NFIB: variants seen among roughly 807,000 people sequenced by gnomAD.
NFIB encodes the protein nuclear factor 1 B-type.
In NFIB, 11 loss-of-function variants were observed where a neutral mutation model predicts 61.5. The ratio of observed to expected loss-of-function variants is 0.18; its 90% CI spans 0.11 to 0.30. The LOEUF (loss-of-function observed/expected upper bound fraction) is 0.30, where lower values mean the gene tolerates loss of function less well. Among genes scored for constraint, NFIB ranks in the 10% least tolerant of loss-of-function variants. The probability of loss-of-function intolerance (pLI) is 1.00; values close to 1 mark genes in which losing one functional copy is unlikely to be tolerated. For missense variants in NFIB, 471 were observed against 608.9 expected (o/e 0.77, Z 2.38); for synonymous variants, 260 against 216.5 (o/e 1.20, Z -1.76).
At chr9:14,190,742 CT>C (rs1343352428) in intron 2 of NFIB, among the ~76,000 whole-genome samples, 1 of 152,054 alleles carries the variant, frequency 6.6e-6, no homozygotes, top group African/African-American at 2.4e-5. Flanking sequence ...CATGATTTTC[CT>C]TTTTGTAAAA....
intron 2 of NFIB, among the ~76,000 whole-genome samples, chr9:14,196,432 A>C (rs1027405503): frequency 3.9e-5 from 6 of 152,152 alleles, no homozygotes; most frequent in Admixed American, 3.3e-4. Flanking sequence ...CTCAGCTTCT[A>C]GTTTGCGGAA....
intron 2 of NFIB, among the ~76,000 whole-genome samples, chr9:14,246,386 A>G (rs984531715): frequency 6.6e-6 from 1 of 152,136 alleles, no homozygotes; most frequent in African/African-American, 2.4e-5. Flanking sequence ...ACTGTGCTCC[A>G]GCCAGCCACC....
At chr9:14,474,048 T>G in the NFIB span, among the ~76,000 whole-genome samples, 3 of 152,202 alleles carry the variant, frequency 2.0e-5, no homozygotes, top group Non-Finnish European at 2.9e-5. Context: ...CTACAAGGAT[T>G]TTATCAGACA....
At chr9:14,300,219 G>T (rs982526152) in intron 2 of NFIB, 11 of 398,392 alleles carry the variant, frequency 2.8e-5, no homozygotes, top group African/African-American at 1.2e-4. Context: ...ATGATCAGAA[G>T]GAAGCGTCTC....
At chr9:14,389,330 T>A (rs1433610363) in intron 1 of NFIB, among the ~76,000 whole-genome samples, 3 of 152,140 alleles carry the variant, frequency 2.0e-5, no homozygotes, top group Non-Finnish European at 4.4e-5. Flanking sequence ...TCCTCCCACC[T>A]TTCTGAGTCC....
At chr9:14,368,824 A>G (rs1195676819) in intron 1 of NFIB, among the ~76,000 whole-genome samples, 1 of 152,208 alleles carries the variant, frequency 6.6e-6, no homozygotes, top group African/African-American at 2.4e-5. Context: ...GAGATGTAGT[A>G]TAGCATTTTG....
chr9:14,234,225 AT>A (rs2131970476), intron 2 of NFIB, among the ~76,000 whole-genome samples: 1 of 152,318 alleles, frequency 6.6e-6, no homozygotes, highest in African/African-American at 2.4e-5. Context: ...CAAAAACCAG[AT>A]CACAAACCCA....
At chr9:14,438,056 A>ATG in the NFIB span, among the ~76,000 whole-genome samples, 13 of 149,872 alleles carry the variant, frequency 8.7e-5, no homozygotes, top group African/African-American at 1.7e-4. Flanking sequence ...GTGTGCACGC[A>ATG]TGTGTGTGTG....
chr9:14,447,216 C>T, the NFIB span, among the ~76,000 whole-genome samples: 1 of 152,082 alleles, frequency 6.6e-6, no homozygotes, highest in African/African-American at 2.4e-5. Flanking sequence ...TTTTTAATAG[C>T]CTGTGTCTGA....
chr9:14,350,967 T>C (rs1019613367), intron 1 of NFIB, among the ~76,000 whole-genome samples: 7 of 152,150 alleles, frequency 4.6e-5, no homozygotes, highest in African/African-American at 1.7e-4. Flanking sequence ...CTAGACTACC[T>C]GCCTCCTATC....
chr9:14,230,691 G>C (rs2053016201), intron 2 of NFIB, among the ~76,000 whole-genome samples: 3 of 152,104 alleles, frequency 2.0e-5, no homozygotes, highest in Admixed American at 1.3e-4. Flanking sequence ...AAGGCATTTA[G>C]GTAGAAAAAA....
chr9:14,193,820 C>T (rs2048207586), intron 2 of NFIB, among the ~76,000 whole-genome samples: 1 of 152,098 alleles, frequency 6.6e-6, no homozygotes. Flanking sequence ...AGTGACATAA[C>T]GGAAAAACAT....
At chr9:14,136,106 C>T (rs2041012931) in intron 6 of NFIB, among the ~76,000 whole-genome samples, 1 of 152,076 alleles carries the variant, frequency 6.6e-6, no homozygotes, top group African/African-American at 2.4e-5. Context: ...CTTCCAGAGA[C>T]ACTTAAAAAA....
intron 10 of NFIB, among the ~76,000 whole-genome samples, chr9:14,106,834 A>G (rs958431599): frequency 2.6e-5 from 4 of 152,108 alleles, no homozygotes; most frequent in African/African-American, 9.7e-5. Context: ...AAAGAAGGTA[A>G]GCAAAATGTT....
the NFIB span, among the ~76,000 whole-genome samples, chr9:14,444,960 T>C: frequency 6.6e-6 from 1 of 152,166 alleles, no homozygotes; most frequent in Non-Finnish European, 1.5e-5. Context: ...ATTGTTCAAC[T>C]GTGCTTGCTT....
chr9:14,403,619 CT>C (rs918248581), upstream of NFIB, among the ~76,000 whole-genome samples: 1 of 149,908 alleles, frequency 6.7e-6, no homozygotes, highest in African/African-American at 2.4e-5. Flanking sequence ...GGCAAATAAA[CT>C]GAGACATGGT....
the NFIB span, among the ~76,000 whole-genome samples, chr9:14,453,824 T>A: frequency 2.6e-5 from 4 of 151,954 alleles, no homozygotes; most frequent in East Asian, 7.7e-4. Flanking sequence ...GGCTCACACC[T>A]GTAATCCCAG....
upstream of NFIB, among the ~76,000 whole-genome samples, chr9:14,401,369 G>T (rs553978314): frequency 1.3e-5 from 2 of 152,072 alleles, no homozygotes; most frequent in African/African-American, 4.8e-5. Context: ...TTTTGTCCTC[G>T]TGAGGCCTTG....
At chr9:14,381,423 T>C (rs536768715) in intron 1 of NFIB, among the ~76,000 whole-genome samples, 221 of 152,254 alleles carry the variant, frequency 1.5e-3, no homozygotes, top group African/African-American at 5.1e-3. Context: ...ACTCCTGGGC[T>C]CAAGTGATCT....
Sources: gnomAD v4.1 joint callset for allele counts (sites outside exome capture counted in the v4.1 genomes callset) on GRCh38, gnomAD v4.1.1 for gene constraint, MANE v1.5 for transcripts, NCBI Gene and HGNC (gene_info 2026-07-23, HGNC 2026-07-21) for gene names.